The following FARP1 variants were observed in gnomAD, a reference collection of about 807,000 sequenced individuals.
FARP1 encodes FERM, ARHGEF and pleckstrin domain-containing protein 1.
In FARP1, 52 loss-of-function variants were observed where a neutral mutation model predicts 128.8. The observed-to-expected ratio is 0.40, with a 90% CI of 0.32 to 0.51. The LOEUF is 0.51. Ranked by LOEUF, FARP1 falls within the 20% of genes least tolerant of loss-of-function variation. The pLI is 0.45. For missense variants in FARP1, 1,333 were observed against 1,367.9 expected (o/e 0.97, Z 0.40); for synonymous variants, 580 against 551.8 (o/e 1.05, Z -0.72).
In FARP1 at chr13:98,439,221, C is replaced by A. The variant is rs757227004; in HGVS notation, c.2433+25C>A. 3.9e-6 allele frequency: 6 copies of A among 1,544,790 alleles called. No individual in the cohort carries two copies. The Admixed American group carries it at 5.2e-5, about 13-fold the overall frequency. Reference sequence around the variant, plus strand: ...GGTGAGTACAGCACAGGCTCGTGGCCAGGGCCTGTCCTCGGGGGCAGCAGG... The same window carrying A: ...GGTGAGTACAGCACAGGCTCGTGGCAAGGGCCTGTCCTCGGGGGCAGCAGG... On this transcript the variant is annotated intron_variant, in intron 21 of 26. Transcript: ENST00000319562.
At chr13:98,278,195 T>C (rs1480100169) in intron 2 of FARP1, among the ~76,000 whole-genome samples, 1 of 141,812 alleles carries the variant, frequency 7.1e-6, no homozygotes. Flanking sequence ...GTGTGTATGT[T>C]CTGTGTGTCT....
intron 13 of FARP1, chr13:98,402,733 C>T (rs1473372313): frequency 6.6e-6 from 1 of 152,204 alleles, no homozygotes; most frequent in Non-Finnish European, 1.5e-5. Context: ...GTTTCTGCCT[C>T]CTAAGGTTGC....
intron 2 of FARP1, among the ~76,000 whole-genome samples, chr13:98,313,511 T>G (rs1886583909): frequency 1.3e-5 from 2 of 152,196 alleles, no homozygotes; most frequent in Admixed American, 1.3e-4. Flanking sequence ...GCTAATGCCT[T>G]GACCTTGGAC....
chr13:98,244,576 A>G (rs746659214), intron 2 of FARP1: 4 of 1,614,230 alleles, frequency 2.5e-6, no homozygotes, highest in Admixed American at 1.7e-5. Context: ...CCCAAGCACC[A>G]TTCACATCTA....
intron 3 of FARP1, among the ~76,000 whole-genome samples, chr13:98,346,196 T>C (rs1221712921): frequency 1.3e-5 from 2 of 148,402 alleles, no homozygotes; most frequent in Non-Finnish European, 3.0e-5. Flanking sequence ...ATTTTTTTTT[T>C]TTTTTTTTTT....
chr13:98,375,381 A>G (rs1889537710), intron 5 of FARP1, among the ~76,000 whole-genome samples: 1 of 152,008 alleles, frequency 6.6e-6, no homozygotes, highest in Admixed American at 6.6e-5. Context: ...TGGCACTTAC[A>G]ATTTTTTTGC....
rs115009026 is a variant in FARP1 at position 98,247,803 on chromosome 13, G to C, written c.171+34390G>C. ...AAACAGAAACAGAGAACAGGGGCAA[G>C]ATGTCCGCAGCATCCAGAAGGAGGC... On this transcript the variant is annotated intron_variant, in intron 2 of 26. Transcript: ENST00000319562. Among the ~76,000 whole-genome samples the C allele has an allele frequency of 6.3e-3, 960 of 152,286 alleles. 9 individuals are homozygous for C. Among genetic ancestry groups the C allele is most frequent in the African/African-American group, 0.022 (905 of 41,564 alleles).
chr13:98,222,610 C>T (rs1207508824), intron 2 of FARP1, among the ~76,000 whole-genome samples: 5 of 151,192 alleles, frequency 3.3e-5, no homozygotes, highest in Non-Finnish European at 7.4e-5. Context: ...TGACAGGTGC[C>T]AGTGGAGGGT....
intron 1 of FARP1, among the ~76,000 whole-genome samples, chr13:98,159,790 T>C (rs1201597537): frequency 6.6e-6 from 1 of 152,168 alleles, no homozygotes; most frequent in Non-Finnish European, 1.5e-5. Flanking sequence ...TTTTAAAAAA[T>C]ATTCATTACA....
chr13:98,173,944 G>A (rs942178602), intron 1 of FARP1, among the ~76,000 whole-genome samples: 46 of 152,304 alleles, frequency 3.0e-4, no homozygotes, highest in African/African-American at 1.1e-3. Flanking sequence ...CTGAGGGGTC[G>A]CTCCAGCGTT....
At chr13:98,397,674 A>AG (rs1025479230) in intron 13 of FARP1, 1 of 152,128 alleles carries the variant, frequency 6.6e-6, no homozygotes, top group Non-Finnish European at 1.5e-5. Flanking sequence ...CCCTGACCCT[A>AG]GGGATTTTGA....
intron 5 of FARP1, among the ~76,000 whole-genome samples, chr13:98,373,250 CCT>C (rs1307652039): frequency 6.6e-6 from 1 of 152,120 alleles, no homozygotes; most frequent in Admixed American, 6.5e-5. Flanking sequence ...TCCCTGAAAA[CCT>C]CTTTGTGAAC....
chr13:98,378,173 A>G (rs542820463), intron 6 of FARP1, among the ~76,000 whole-genome samples: 1 of 152,348 alleles, frequency 6.6e-6, no homozygotes, highest in Non-Finnish European at 1.5e-5. Context: ...CGCAGTTGAT[A>G]CTTCAGTTGT....
intron 1 of FARP1, among the ~76,000 whole-genome samples, chr13:98,182,732 T>G (rs1486067091): frequency 6.6e-6 from 1 of 152,242 alleles, no homozygotes; most frequent in Admixed American, 6.5e-5. Context: ...GAAGGACAAT[T>G]TGGCCGAGTA....
At chr13:98,246,087 CTTTTTTTT>C (rs56274534) in intron 2 of FARP1, among the ~76,000 whole-genome samples, 222 of 36,906 alleles carry the variant, frequency 6.0e-3, no homozygotes, top group African/African-American at 0.026. Context: ...GAGATAAATT[CTTTTTTTT>C]TTTTTTTTTT....
chr13:98,243,877 C>T (rs1324940872), intron 2 of FARP1, among the ~76,000 whole-genome samples: 3 of 152,058 alleles, frequency 2.0e-5, no homozygotes, highest in South Asian at 2.1e-4. Context: ...AATTTTTACT[C>T]CCTGCTGTAC....
chr13:98,202,370 C>T (rs564986364), intron 1 of FARP1, among the ~76,000 whole-genome samples: 91 of 152,256 alleles, frequency 6.0e-4, no homozygotes, highest in Non-Finnish European at 1.1e-3. Context: ...TCTTTGCTTT[C>T]AACATGGGGC....
intron 1 of FARP1, among the ~76,000 whole-genome samples, chr13:98,212,292 G>T (rs529783113): frequency 1.3e-5 from 2 of 152,300 alleles, no homozygotes; most frequent in African/African-American, 4.8e-5. Flanking sequence ...CTGACCTCAG[G>T]TGATTCACCC....
intron 1 of FARP1, among the ~76,000 whole-genome samples, chr13:98,192,320 G>T (rs17269215): frequency 6.6e-6 from 1 of 151,888 alleles, no homozygotes; most frequent in East Asian, 1.9e-4. Flanking sequence ...GGTATTTATG[G>T]TATTGGTCCA....
Sources: allele counts gnomAD v4.1 joint callset (sites outside exome capture counted in the v4.1 genomes callset), GRCh38; gene constraint gnomAD v4.1.1; transcripts MANE v1.5; gene names NCBI Gene and HGNC (gene_info 2026-07-23, HGNC 2026-07-21).